The following NRF1 variants were observed in gnomAD, a reference collection of about 807,000 sequenced individuals.
NRF1 encodes the protein alpha palindromic-binding protein.
Under a neutral mutation model 58.5 loss-of-function variants are expected in NRF1, and 5 were observed. The ratio of observed to expected loss-of-function variants is 0.09; its 90% confidence interval spans 0.04 to 0.18. NRF1 has a LOEUF of 0.18. Ranked by LOEUF, NRF1 falls within the 10% of genes least tolerant of loss-of-function variation. The probability of loss-of-function intolerance (pLI) is 1.00; values close to 1 mark genes in which losing one functional copy is unlikely to be tolerated. For synonymous variants in NRF1, 224 were observed against 246.7 expected (o/e 0.91, Z 0.86); for missense variants, 288 against 657.7 (o/e 0.44, Z 6.15).
intron 5 of NRF1, among the ~76,000 whole-genome samples, chr7:129,698,821 C>A (rs1802755074): frequency 6.6e-6 from 1 of 152,216 alleles, no homozygotes; most frequent in African/African-American, 2.4e-5. Context: ...AATTGCATAG[C>A]TTCTTGCAGA....
intron 1 of NRF1, among the ~76,000 whole-genome samples, chr7:129,638,931 C>T (rs532739402): frequency 5.3e-5 from 8 of 152,190 alleles, no homozygotes; most frequent in Non-Finnish European, 1.2e-4. Context: ...CTTTAACATC[C>T]TTGTGTAGGA....
At chr7:129,733,653 A>G (rs1803638323) in intron 10 of NRF1, among the ~76,000 whole-genome samples, 1 of 152,190 alleles carries the variant, frequency 6.6e-6, no homozygotes, top group African/African-American at 2.4e-5. Flanking sequence ...GAGGGAAGCA[A>G]GTGTTCTTGC....
chr7:129,661,043 T>C (rs1801769086), intron 2 of NRF1, among the ~76,000 whole-genome samples: 1 of 151,368 alleles, frequency 6.6e-6, no homozygotes, highest in African/African-American at 2.5e-5. Context: ...ACTTGCAGGC[T>C]CAACACCTTT....
chr7:129,659,744 A>G (rs1221020617), intron 2 of NRF1, among the ~76,000 whole-genome samples: 1 of 152,184 alleles, frequency 6.6e-6, no homozygotes, highest in Admixed American at 6.5e-5. Flanking sequence ...AATTTTAGCC[A>G]TGAGATTTTG....
intron 2 of NRF1, among the ~76,000 whole-genome samples, chr7:129,663,942 C>T (rs1324035905): frequency 2.0e-5 from 3 of 152,276 alleles, no homozygotes; most frequent in South Asian, 2.1e-4. Context: ...CCGGTCAACA[C>T]GGCGAAACCC....
chr7:129,638,808 C>A (rs1255850118), intron 1 of NRF1, among the ~76,000 whole-genome samples: 2 of 152,150 alleles, frequency 1.3e-5, no homozygotes, highest in Middle Eastern at 3.4e-3. Context: ...CTTTTATAGA[C>A]TTAAATTCTA....
At chr7:129,729,997 G>A (rs981832134) in intron 10 of NRF1, among the ~76,000 whole-genome samples, 2 of 151,818 alleles carry the variant, frequency 1.3e-5, no homozygotes, top group East Asian at 1.9e-4. Flanking sequence ...GCCACACCAC[G>A]CCCAGATAAT....
intron 10 of NRF1, among the ~76,000 whole-genome samples, chr7:129,729,434 G>A (rs148835215): frequency 1.3e-5 from 2 of 152,226 alleles, no homozygotes; most frequent in African/African-American, 2.4e-5. Context: ...CTAAAAGCCA[G>A]TATTTCCCCC....
At chr7:129,684,585 G>C (rs1298659170) in intron 4 of NRF1, among the ~76,000 whole-genome samples, 1 of 152,054 alleles carries the variant, frequency 6.6e-6, no homozygotes, top group Non-Finnish European at 1.5e-5. Flanking sequence ...AACATTTAAG[G>C]TACAAATAAT....
At chr7:129,638,319 A>G (rs1801215137) in intron 1 of NRF1, among the ~76,000 whole-genome samples, 1 of 152,202 alleles carries the variant, frequency 6.6e-6, no homozygotes, top group Non-Finnish European at 1.5e-5. Flanking sequence ...CTTGGCAGCC[A>G]GAATTATACT....
chr7:129,638,445 T>C (rs1031680486), intron 1 of NRF1, among the ~76,000 whole-genome samples: 8 of 152,314 alleles, frequency 5.3e-5, no homozygotes, highest in Middle Eastern at 3.4e-3. Flanking sequence ...TTTTGGTGGT[T>C]TGACAGCCAG....
At chr7:129,664,966 A>C (rs1248713585) in intron 2 of NRF1, among the ~76,000 whole-genome samples, 2 of 152,192 alleles carry the variant, frequency 1.3e-5, no homozygotes, top group Admixed American at 6.5e-5. Flanking sequence ...ACCAATAATA[A>C]AGTAAAATAA....
At chr7:129,633,802 G>A (rs1157860882) in intron 1 of NRF1, 3 of 141,248 alleles carry the variant, frequency 2.1e-5, no homozygotes, top group Admixed American at 7.4e-5. Context: ...GTGTGTGTGT[G>A]TATGTGTATA....
chr7:129,721,599 G>A (rs531654651), intron 9 of NRF1, among the ~76,000 whole-genome samples: 11 of 151,086 alleles, frequency 7.3e-5, no homozygotes, highest in African/African-American at 1.9e-4. Context: ...CTCCTGCCTC[G>A]GTCTCCCAAG....
intron 7 of NRF1, 44 bp downstream of exon 7, chr7:129,710,615 A>G (rs202035680): frequency 2.1e-6 from 2 of 974,716 alleles, no homozygotes; most frequent in East Asian, 2.4e-5. Context: ...TCTGAGATGG[A>G]TCAGTGGGCA....
chr7:129,623,556 A>T (rs2001583), intron 1 of NRF1, among the ~76,000 whole-genome samples: 67,195 of 151,956 alleles, frequency 0.44, 16,728 homozygotes, highest in African/African-American at 0.67. Flanking sequence ...TTCTTAAAAA[A>T]TTTATATGGT....
rs73470499 is a variant in NRF1, at chr7:129,705,055, A to G, written c.607-4020A>G. Among the ~76,000 whole-genome samples the G allele has an allele frequency of 4.3e-3, 656 of 152,330 alleles. 2 individuals are homozygous for G. Among genetic ancestry groups the G allele is most frequent in the African/African-American group, 0.015 (620 of 41,576 alleles). ...TTGCCAAAGAGCTATGGTGCACCTA[A>G]ATTTTATAACAAATTAAGCTCTAAA... On this transcript the variant is annotated intron_variant, in intron 5 of 10. Coordinates refer to ENST00000393232, the MANE Select transcript of NRF1 (RefSeq NM_005011.5).
At chr7:129,615,821 A>G (rs898598608) in intron 1 of NRF1, among the ~76,000 whole-genome samples, 3 of 152,192 alleles carry the variant, frequency 2.0e-5, no homozygotes, top group Non-Finnish European at 4.4e-5. Context: ...TCAGTTTTCT[A>G]CTAAGGTAAA....
intron 2 of NRF1, among the ~76,000 whole-genome samples, chr7:129,662,790 G>C (rs1382919008): frequency 1.3e-5 from 2 of 151,878 alleles, no homozygotes; most frequent in African/African-American, 4.8e-5. Flanking sequence ...ATCATTCTTG[G>C]GTGTTTCTCA....
Sources: gnomAD v4.1 joint callset for allele counts (sites outside exome capture counted in the v4.1 genomes callset) on GRCh38, gnomAD v4.1.1 for gene constraint, MANE v1.5 for transcripts, NCBI Gene and HGNC (gene_info 2026-07-23, HGNC 2026-07-21) for gene names.